Variants in CACNB4 observed in about 807,000 individuals in gnomAD.
CACNB4 encodes the protein voltage-dependent L-type calcium channel subunit beta-4.
In CACNB4, 32 loss-of-function variants were observed where a neutral mutation model predicts 71.2. The observed-to-expected ratio is 0.45, with a 90% CI of 0.34 to 0.60. CACNB4 has a LOEUF of 0.60. Among genes scored for constraint, CACNB4 ranks in the 20% least tolerant of loss-of-function variants. CACNB4 has a pLI of 0.01. For missense variants in CACNB4, 464 were observed against 647.9 expected (o/e 0.72, Z 3.08); for synonymous variants, 231 against 236.9 (o/e 0.97, Z 0.23).
chr2:151,984,927 T>G (rs1681252868), intron 2 of CACNB4, among the ~76,000 whole-genome samples: 1 of 152,148 alleles, frequency 6.6e-6, no homozygotes, highest in Admixed American at 6.5e-5. Flanking sequence ...GGAAAACAAC[T>G]TAAGCATTTT....
chr2:152,093,644 A>G (rs779746506), intron 2 of CACNB4, among the ~76,000 whole-genome samples: 4 of 152,102 alleles, frequency 2.6e-5, no homozygotes, highest in Non-Finnish European at 5.9e-5. Flanking sequence ...ATTATCCGGG[A>G]GCTCAAGCAA....
At chr2:152,047,194 TA>T (rs1161018938) in intron 2 of CACNB4, among the ~76,000 whole-genome samples, 1 of 152,172 alleles carries the variant, frequency 6.6e-6, no homozygotes, top group Non-Finnish European at 1.5e-5. Context: ...AAACTAAAAA[TA>T]ACATCTTGAC....
intron 2 of CACNB4, among the ~76,000 whole-genome samples, chr2:152,027,179 AGGCGTGAGCCAG>A (rs1172304741): frequency 6.6e-6 from 1 of 152,182 alleles, no homozygotes; most frequent in Non-Finnish European, 1.5e-5. Flanking sequence ...TTGAGATTAC[AGGCGTGAGCCAG>A]GGCTCCCAGC....
At chr2:151,966,088 C>T (rs1367452792) in intron 2 of CACNB4, among the ~76,000 whole-genome samples, 3 of 152,110 alleles carry the variant, frequency 2.0e-5, no homozygotes, top group Non-Finnish European at 4.4e-5. Context: ...AACTGCTTAT[C>T]AGCAAAAAGT....
intron 10 of CACNB4, chr2:151,857,942 C>G (rs977725616): frequency 6.6e-6 from 1 of 152,244 alleles, no homozygotes; most frequent in African/African-American, 2.4e-5. Flanking sequence ...TTGGGCAGAA[C>G]AAGCCAGCAG....
At chr2:151,958,167 T>C (rs1246439195) in intron 2 of CACNB4, among the ~76,000 whole-genome samples, 2 of 152,094 alleles carry the variant, frequency 1.3e-5, no homozygotes, top group Non-Finnish European at 2.9e-5. Context: ...ATAAGAAGTA[T>C]GAGAGACTCT....
At chr2:152,023,436 GC>G (rs915129229) in intron 2 of CACNB4, among the ~76,000 whole-genome samples, 4 of 4,746 alleles carry the variant, frequency 8.4e-4, no homozygotes, top group Non-Finnish European at 1.7e-3. Flanking sequence ...AGTGAGAGGT[GC>G]TTTTTTTTTT....
chr2:152,015,437 A>AT (rs1054486982), intron 2 of CACNB4, among the ~76,000 whole-genome samples: 6 of 151,964 alleles, frequency 3.9e-5, no homozygotes, highest in Non-Finnish European at 7.4e-5. Flanking sequence ...AGCCAAAACA[A>AT]TTTTTTTTAA....
chr2:151,855,577 C>T (rs1428772552), intron 10 of CACNB4, among the ~76,000 whole-genome samples: 1 of 152,090 alleles, frequency 6.6e-6, no homozygotes, highest in Admixed American at 6.6e-5. Flanking sequence ...TTGGTAGAAA[C>T]GTCTGAGATG....
intron 2 of CACNB4, among the ~76,000 whole-genome samples, chr2:151,957,078 G>A (rs1299425071): frequency 6.6e-6 from 1 of 152,124 alleles, no homozygotes; most frequent in Non-Finnish European, 1.5e-5. Context: ...ACTTGAACCT[G>A]GGAAATGGAG....
intron 2 of CACNB4, among the ~76,000 whole-genome samples, chr2:151,915,643 G>A (rs1475625916): frequency 2.6e-5 from 4 of 152,152 alleles, no homozygotes; most frequent in Non-Finnish European, 5.9e-5. Flanking sequence ...AGGAGCTCGA[G>A]ACCAGCCTGG....
intron 2 of CACNB4, among the ~76,000 whole-genome samples, chr2:152,067,645 T>G (rs1200631137): frequency 6.6e-6 from 1 of 152,206 alleles, no homozygotes; most frequent in Non-Finnish European, 1.5e-5. Context: ...TGCAGGGACT[T>G]GAGCTATAAA....
At chr2:151,847,955 T>C (rs1027175411) in intron 12 of CACNB4, among the ~76,000 whole-genome samples, 2 of 152,190 alleles carry the variant, frequency 1.3e-5, no homozygotes, top group Non-Finnish European at 2.9e-5. Flanking sequence ...TTGCCAGTAA[T>C]TGGTGAGGTT....
intron 2 of CACNB4, among the ~76,000 whole-genome samples, chr2:152,013,802 T>C (rs1289323124): frequency 6.6e-6 from 1 of 152,216 alleles, no homozygotes; most frequent in Non-Finnish European, 1.5e-5. Flanking sequence ...TGGGATGGGA[T>C]AGTGCCTTCC....
intron 2 of CACNB4, among the ~76,000 whole-genome samples, chr2:151,927,986 C>G (rs116623318): frequency 0.015 from 2,232 of 152,260 alleles, 52 homozygotes; most frequent in African/African-American, 0.05. Flanking sequence ...AATGGAGAGG[C>G]AGGAGTGGGC....
At chr2:152,009,201 AAAAGAAAG>A (rs1553810022) in intron 2 of CACNB4, among the ~76,000 whole-genome samples, 1 of 151,680 alleles carries the variant, frequency 6.6e-6, no homozygotes, top group South Asian at 2.1e-4. Flanking sequence ...AAAAAAAAAA[AAAAGAAAG>A]AAAGAAAGAA....
chr2:151,977,565 A>G (rs2099874033), intron 2 of CACNB4, among the ~76,000 whole-genome samples: 1 of 152,222 alleles, frequency 6.6e-6, no homozygotes, highest in African/African-American at 2.4e-5. Flanking sequence ...AAGGACAGGT[A>G]TTTCTGTTTT....
chr2:152,060,508 T>C (rs1264892366), intron 2 of CACNB4, among the ~76,000 whole-genome samples: 1 of 152,176 alleles, frequency 6.6e-6, no homozygotes, highest in African/African-American at 2.4e-5. Flanking sequence ...AGGCTCAAAA[T>C]GTATCAAGGA....
chr2:151,987,129 T>C (rs1042090131), intron 2 of CACNB4, among the ~76,000 whole-genome samples: 1 of 152,164 alleles, frequency 6.6e-6, no homozygotes, highest in Non-Finnish European at 1.5e-5. Flanking sequence ...TTTTCAAAAT[T>C]AGGTAAAGTA....
Sources: allele counts gnomAD v4.1 joint callset (sites outside exome capture counted in the v4.1 genomes callset), GRCh38; gene constraint gnomAD v4.1.1; transcripts MANE v1.5; gene names NCBI Gene and HGNC (gene_info 2026-07-23, HGNC 2026-07-21).